The following NOS1 variants were observed in gnomAD, a reference collection of about 807,000 sequenced individuals.
The protein encoded by NOS1 is NOS type I.
NOS1 carries 51 observed loss-of-function variants against 164.5 expected under a neutral mutation model. The observed-to-expected ratio is 0.31, with a 90% CI of 0.25 to 0.39. NOS1 has a LOEUF of 0.39. Among genes scored for constraint, NOS1 ranks in the 10% least tolerant of loss-of-function variants. NOS1 has a pLI of 1.00. For missense variants in NOS1, 1,362 were observed against 1,885.6 expected, an observed-to-expected ratio of 0.72 and a Z score of 5.14; for synonymous variants, 719 against 745.8, an observed-to-expected ratio of 0.96 and a Z score of 0.59.
In NOS1 at chr12:117,214,696, A is replaced by G. The variant is rs1956575807; in HGVS notation, c.*613T>C. 1.0e-6 allele frequency: 1 copy of G among 985,232 alleles called. No individual in the cohort carries two copies. The highest frequency in any genetic ancestry group is 4.7e-5 in the South Asian group (1 of 21,284). The allele number at this position is 985,232 out of a possible 1,614,324, so 61.0% of individuals were successfully genotyped here. A position where few individuals can be genotyped will look rare whatever the true frequency, so the allele number is the denominator to read the frequency against. ...AAATGTTTCAGGTACATGGGCGTGG[A>G]CCCTAATTATGGACACACGAGGGAT... On this transcript the variant is annotated 3_prime_UTR_variant, in exon 29 of 29. Transcript: ENST00000317775.
Position 117,242,647 on chromosome 12 carries a change from G to A in NOS1, c.3021C>T (p.Asn1007=). 1 of 1,614,160 alleles carries A rather than the reference G, an allele frequency of 6.2e-7. No individual in the cohort carries two copies. ...VSAARLLSRQ[N]LQSPKSSRST... ...CCTACCTGGATTTAGGGCTCTGGAG[G>A]TTTTGACGGCTAAGGAGCCGGGCAG... The change falls in exon 20 of 29, where the codon AAC becomes AAT. Residue 1007 remains asparagine, a synonymous_variant. Coordinates refer to ENST00000317775, the MANE Select transcript of NOS1 (RefSeq NM_000620.5).
chr12:117,300,275 T>G (rs773463809), intron 3 of NOS1, among the ~76,000 whole-genome samples: 2 of 152,190 alleles, frequency 1.3e-5, no homozygotes, highest in African/African-American at 4.8e-5. Flanking sequence ...TGAAGGAGCG[T>G]GCAGAGTGGT....
intron 3 of NOS1, among the ~76,000 whole-genome samples, chr12:117,307,754 T>C (rs1177041252): frequency 2.0e-5 from 3 of 152,018 alleles, no homozygotes; most frequent in African/African-American, 7.2e-5. Context: ...CAGTGACTCA[T>C]ACCTGTAATC....
At chr12:117,289,551 C>T (rs529814009) in intron 4 of NOS1, among the ~76,000 whole-genome samples, 14 of 152,346 alleles carry the variant, frequency 9.2e-5, no homozygotes, top group Admixed American at 4.6e-4. Context: ...TCGGGATACA[C>T]GTGCAGAACG....
chr12:117,312,874 T>TCAC (rs1157027638), intron 2 of NOS1, among the ~76,000 whole-genome samples: 2 of 152,040 alleles, frequency 1.3e-5, no homozygotes, highest in Admixed American at 1.3e-4. Flanking sequence ...ATCATCATCA[T>TCAC]CACCACCACC....
intron 1 of NOS1, among the ~76,000 whole-genome samples, chr12:117,336,554 T>C (rs960042979): frequency 1.3e-5 from 2 of 152,108 alleles, no homozygotes; most frequent in Non-Finnish European, 2.9e-5. Context: ...TGAGAGGTGA[T>C]GGGTGCACCA....
At chr12:117,232,920 T>G (rs759846797) in intron 21 of NOS1, among the ~76,000 whole-genome samples, 3 of 151,830 alleles carry the variant, frequency 2.0e-5, no homozygotes, top group Non-Finnish European at 4.4e-5. Flanking sequence ...CCCAGGCGAG[T>G]GCAGTGGTGC....
intron 8 of NOS1, among the ~76,000 whole-genome samples, chr12:117,278,889 C>G (rs1873392227): frequency 6.7e-6 from 1 of 149,114 alleles, no homozygotes; most frequent in Non-Finnish European, 1.5e-5. Flanking sequence ...ATATGTAACA[C>G]TTATTCATCT....
chr12:117,258,309 G>A, intron 16 of NOS1, 88 bp downstream of exon 16: 1 of 1,304,552 alleles, frequency 7.7e-7, no homozygotes, highest in Non-Finnish European at 1.1e-6. Flanking sequence ...CCACCATCCA[G>A]AACTCAAATG....
At chr12:117,250,243 C>A (rs1020508132) in intron 17 of NOS1, among the ~76,000 whole-genome samples, 11 of 152,068 alleles carry the variant, frequency 7.2e-5, no homozygotes, top group African/African-American at 2.7e-4. Flanking sequence ...TTTCATCTTC[C>A]TCTTCTTCCT....
chr12:117,232,205 C>T (rs1401035103), intron 21 of NOS1, 74 bp from the exon 22 acceptor site: 1 of 1,442,576 alleles, frequency 6.9e-7, no homozygotes, highest in East Asian at 2.3e-5. Flanking sequence ...AGGTCTGCTC[C>T]TGGAGCAGAG....
intron 1 of NOS1, among the ~76,000 whole-genome samples, chr12:117,360,552 GAAGT>G (rs1877090413): frequency 6.6e-6 from 1 of 152,242 alleles, no homozygotes; most frequent in Admixed American, 6.5e-5. Flanking sequence ...CCAGACGGAA[GAAGT>G]GAGAGGTGCG....
In NOS1 at chr12:117,234,744, A is replaced by G; in HGVS notation, c.3056T>C (p.Phe1019Ser). ...QSPKSSRSTI[F>S]VRLHTNGSQE... The stretch of plus-strand genomic sequence containing the variant: ...GCTCCCGTTGGTGTGGAGACGCACG[A>G]AGATAGTTGACCGACTGCAGGAAAT... The change falls in exon 21 of 29, where the codon TTC becomes TCC. Residue 1019 changes from phenylalanine (F) to serine (S), a missense_variant. Transcript: ENST00000317775. The surrounding 1 kb of genome is among the most constrained non-coding windows in gnomAD (Gnocchi z 4.3). 6.2e-7 allele frequency: 1 copy of G among 1,611,240 alleles called. No homozygotes were observed. The highest frequency in any genetic ancestry group is 8.5e-7 in the Non-Finnish European group (1 of 1,177,882).
intron 14 of NOS1, 121 bp from the exon 15 acceptor site, chr12:117,259,251 G>A: frequency 1.6e-6 from 1 of 642,544 alleles, no homozygotes; most frequent in Non-Finnish European, 2.8e-6. Context: ...AAAAATGTGA[G>A]TCATTTTGGG....
chr12:117,265,209 G>C (rs943359730), intron 12 of NOS1, 107 bp downstream of exon 12: 6 of 970,538 alleles, frequency 6.2e-6, no homozygotes, highest in African/African-American at 1.6e-5. Context: ...GCCACATGTG[G>C]CTATTGAGTG....
chr12:117,211,492 T>C lies in NOS1; in HGVS notation c.*3817A>G. 11 of 984,430 alleles carry C rather than the reference T, an allele frequency of 1.1e-5. No individual in the cohort carries two copies. Among genetic ancestry groups the C allele is most frequent in the Non-Finnish European group, 1.3e-5 (11 of 829,066 alleles). 61.0% of individuals were successfully genotyped at this position (984,430 alleles called of 1,614,324 possible). On this transcript the variant is annotated 3_prime_UTR_variant, in exon 29 of 29. Coordinates refer to ENST00000317775, the MANE Select transcript of NOS1 (RefSeq NM_000620.5). ...CCTTAATGTCCCTTTTTGAAAAACATTCTTAGGGACTCCCTGTTGCCTTCT... is the reference window on the plus strand; with the variant it reads ...CCTTAATGTCCCTTTTTGAAAAACACTCTTAGGGACTCCCTGTTGCCTTCT...
At position 117,248,053 on chromosome 12, in the gene NOS1, TTC is replaced by T. The variant is rs937682043; in HGVS notation, c.2649-533_2649-532del. Among the ~76,000 whole-genome samples the T allele has an allele frequency of 1.1e-3, 172 of 152,054 alleles. 1 individual carries two copies. Among genetic ancestry groups the T allele is most frequent in the African/African-American group, 3.3e-3 (139 of 41,512 alleles). ...CTCTCTCTCCCTCTTTCCTTTCTCT[TTC>T]TCTCTCTGGACATAGCAAGAAGGTG... On this transcript the variant is annotated intron_variant, in intron 17 of 28. Coordinates refer to ENST00000317775, the MANE Select transcript of NOS1 (RefSeq NM_000620.5).
At chr12:117,262,458 A>AGAGG (rs763064517) in intron 13 of NOS1, among the ~76,000 whole-genome samples, 1 of 85,472 alleles carries the variant, frequency 1.2e-5, no homozygotes, top group Non-Finnish European at 2.2e-5. Context: ...CAGAGAGAGG[A>AGAGG]GAGGGAGGGA....
rs372738787 is a variant in NOS1 at position 117,263,868 on chromosome 12, C to G, written c.2222+21G>C. On this transcript the variant is annotated intron_variant, in intron 13 of 28. Coordinates refer to ENST00000317775, the MANE Select transcript of NOS1 (RefSeq NM_000620.5). Reference sequence around the variant, plus strand: ...AGTTTGTGGGGACATCCACCCCACCCGCCCACTGCACGAAACTTACTCTGC... The same window carrying G: ...AGTTTGTGGGGACATCCACCCCACCGGCCCACTGCACGAAACTTACTCTGC... 8.7e-6 allele frequency: 14 copies of G among 1,601,224 alleles called. 1 individual carries two copies. In the South Asian group the frequency reaches 1.5e-4, roughly 18 times the overall value.
Sources: allele counts gnomAD v4.1 joint callset (sites outside exome capture counted in the v4.1 genomes callset), GRCh38; gene constraint gnomAD v4.1.1; non-coding constraint Gnocchi (gnomAD v3.1); transcripts MANE v1.5; gene names NCBI Gene and HGNC (gene_info 2026-07-23, HGNC 2026-07-21).